The following PREX2 variants were observed in gnomAD, a reference collection of about 807,000 sequenced individuals.
PREX2 encodes phosphatidylinositol 3,4,5-trisphosphate-dependent Rac exchanger 2 protein.
Under a neutral mutation model 203.2 loss-of-function variants are expected in PREX2, and 107 were observed. The ratio of observed to expected loss-of-function variants is 0.53; its 90% CI spans 0.45 to 0.62. The LOEUF (loss-of-function observed/expected upper bound fraction) is 0.62, where lower values mean the gene tolerates loss of function less well. PREX2 is among the 20% of genes least tolerant of loss of function. The pLI, the probability that PREX2 is intolerant of heterozygous loss-of-function variation, is 0.00. For synonymous variants in PREX2, 672 were observed against 663.6 expected (o/e 1.01, Z -0.19); for missense variants, 1,777 against 1,955.9 (o/e 0.91, Z 1.72).
chr8:68,099,901 A>C lies in PREX2; in HGVS notation c.2715+58A>C, dbSNP rs754220356. 1.2e-5 allele frequency: 17 copies of C among 1,361,232 alleles called. No individual in the cohort carries two copies. In the South Asian group the frequency reaches 2.0e-4, roughly 16 times the overall value. The allele number at this position is 1,361,232 out of a possible 1,614,324, so 84.3% of individuals were successfully genotyped here. ...TGTTGAAATTATTATTTGAATGTCA[A>C]ATTTAAATCAATTTTTGATATTTTC... On this transcript the variant is annotated intron_variant, in intron 23 of 39. Coordinates refer to ENST00000288368, the MANE Select transcript of PREX2 (RefSeq NM_024870.4).
rs1328974208 is a variant in PREX2, at chr8:68,109,608, T to C, written c.3131T>C (p.Val1044Ala). 6.2e-7 allele frequency: 1 copy of C among 1,613,704 alleles called. No individual in the cohort carries two copies. Among genetic ancestry groups the C allele is most frequent in the African/African-American group, 1.3e-5 (1 of 74,914 alleles). The change falls in exon 25 of 40, where the codon GTT becomes GCT. Residue 1044 changes from valine (V) to alanine (A), a missense_variant. Val to Ala is a moderately conservative substitution (Grantham distance 64). Transcript: ENST00000288368. ...GCACTGAAAGAGGTGGAGATGTGTG[T>C]TTGTCAAATAGATGAGTAAGTGTTT... Reference protein sequence around the residue: ...QTALKEVEMCVCQIDDLLSSI... With the variant: ...QTALKEVEMCACQIDDLLSSI...
chr8:68,156,785 G>C (rs1264209236), intron 34 of PREX2, among the ~76,000 whole-genome samples: 2 of 152,152 alleles, frequency 1.3e-5, no homozygotes, highest in African/African-American at 4.8e-5. Flanking sequence ...GGTAAGATTT[G>C]TTGTGCAGAT....
chr8:68,136,500 T>C (rs549098327), intron 32 of PREX2, among the ~76,000 whole-genome samples: 1 of 152,266 alleles, frequency 6.6e-6, no homozygotes, highest in East Asian at 1.9e-4. Flanking sequence ...GGCCTGGCTT[T>C]GGCAATGTTT....
At chr8:68,054,785 C>A (rs1385001859) in intron 9 of PREX2, among the ~76,000 whole-genome samples, 3 of 152,204 alleles carry the variant, frequency 2.0e-5, no homozygotes, top group African/African-American at 7.2e-5. Flanking sequence ...GTCCTGGACT[C>A]CCACCTGAAT....
At chr8:68,041,624 T>G (rs1250971282) in intron 7 of PREX2, among the ~76,000 whole-genome samples, 1 of 152,134 alleles carries the variant, frequency 6.6e-6, no homozygotes, top group Non-Finnish European at 1.5e-5. Context: ...TATGCTCTTC[T>G]AGGTTCTCTG....
At chr8:68,184,701 GCCT>G (rs1812154634) in intron 35 of PREX2, among the ~76,000 whole-genome samples, 1 of 152,094 alleles carries the variant, frequency 6.6e-6, no homozygotes, top group Admixed American at 6.6e-5. Context: ...AGGCTCTTAG[GCCT>G]TAATCATCTC....
At chr8:68,032,408 A>G (rs1211257963) in intron 6 of PREX2, among the ~76,000 whole-genome samples, 1 of 152,210 alleles carries the variant, frequency 6.6e-6, no homozygotes, top group Non-Finnish European at 1.5e-5. Context: ...GTGGCAACAT[A>G]AATTCTACTT....
intron 35 of PREX2, among the ~76,000 whole-genome samples, chr8:68,171,233 C>T (rs1811869456): frequency 6.6e-6 from 1 of 152,062 alleles, no homozygotes. Context: ...GATGGTGTGC[C>T]TTCATCAATG....
At chr8:67,975,272 G>GTTTTTT (rs75276095) in intron 1 of PREX2, among the ~76,000 whole-genome samples, 4 of 96,826 alleles carry the variant, frequency 4.1e-5, no homozygotes, top group African/African-American at 9.0e-5. Flanking sequence ...CACACGGCCT[G>GTTTTTT]TTTTTTTTTT....
At chr8:68,190,613 G>A (rs948196408) in intron 35 of PREX2, among the ~76,000 whole-genome samples, 1 of 152,044 alleles carries the variant, frequency 6.6e-6, no homozygotes, top group Non-Finnish European at 1.5e-5. Context: ...GAGGTAGGAA[G>A]GGGATGAGGG....
intron 35 of PREX2, among the ~76,000 whole-genome samples, chr8:68,174,720 G>A (rs952612835): frequency 2.0e-5 from 3 of 151,586 alleles, no homozygotes; most frequent in Non-Finnish European, 4.4e-5. Context: ...TTTTGTTGTT[G>A]TTGTTTGTTG....
intron 37 of PREX2, among the ~76,000 whole-genome samples, chr8:68,196,466 TA>T (rs1812397209): frequency 2.0e-5 from 3 of 147,100 alleles, no homozygotes; most frequent in Non-Finnish European, 4.5e-5. Flanking sequence ...ATGGAGACAC[TA>T]TATATATGTA....
chr8:68,025,113 T>C (rs1440396990), intron 4 of PREX2, among the ~76,000 whole-genome samples: 2 of 152,072 alleles, frequency 1.3e-5, no homozygotes, highest in Admixed American at 6.6e-5. Context: ...CCTGTGTATT[T>C]GACTCTGATA....
At chr8:67,977,258 A>G (rs1490325807) in intron 1 of PREX2, among the ~76,000 whole-genome samples, 2 of 152,190 alleles carry the variant, frequency 1.3e-5, no homozygotes, top group Non-Finnish European at 1.5e-5. Flanking sequence ...GGTCCTCACC[A>G]TAGCCTGCTG....
chr8:68,089,332 A>C (rs147336224), intron 19 of PREX2, among the ~76,000 whole-genome samples: 156 of 152,234 alleles, frequency 1.0e-3, no homozygotes, highest in Middle Eastern at 6.8e-3. Flanking sequence ...TTGCTCCTCA[A>C]AATTGCTTCC....
intron 38 of PREX2, among the ~76,000 whole-genome samples, chr8:68,223,161 G>C (rs1466049174): frequency 3.9e-5 from 6 of 152,156 alleles, no homozygotes; most frequent in Admixed American, 3.9e-4. Context: ...GTTAATTCTT[G>C]GTTTTAGTAA....
intron 35 of PREX2, among the ~76,000 whole-genome samples, chr8:68,179,323 G>A (rs1812040997): frequency 6.6e-6 from 1 of 152,008 alleles, no homozygotes; most frequent in Non-Finnish European, 1.5e-5. Context: ...TGAGCTAGGG[G>A]ACATAGGTTG....
intron 1 of PREX2, among the ~76,000 whole-genome samples, chr8:67,996,300 A>G (rs906842847): frequency 5.3e-5 from 8 of 151,918 alleles, no homozygotes; most frequent in African/African-American, 1.9e-4. Flanking sequence ...GGTTCAAATG[A>G]TCTTCCTTCC....
chr8:68,141,329 T>A (rs375031987), intron 33 of PREX2, among the ~76,000 whole-genome samples: 126 of 152,176 alleles, frequency 8.3e-4, no homozygotes, highest in African/African-American at 2.7e-3. Context: ...TATGTTTGAG[T>A]CCCCACTATC....
Sources: gnomAD v4.1 joint callset for allele counts (sites outside exome capture counted in the v4.1 genomes callset) on GRCh38, gnomAD v4.1.1 for gene constraint, MANE v1.5 for transcripts, NCBI Gene and HGNC (gene_info 2026-07-23, HGNC 2026-07-21) for gene names.